VPS13B: variants seen among roughly 807,000 people sequenced by gnomAD.
The protein encoded by VPS13B is intermembrane lipid transfer protein VPS13B.
A neutral mutation model predicts 426.4 loss-of-function variants in VPS13B; 285 were observed. The observed-to-expected ratio is 0.67, with a 90% CI of 0.61 to 0.74. The LOEUF is 0.74. Among genes scored for constraint, VPS13B ranks in the 30% least tolerant of loss-of-function variants. The pLI, the probability that VPS13B is intolerant of heterozygous loss-of-function variation, is 0.00. For missense variants in VPS13B, 4,537 were observed against 4,782.6 expected (o/e 0.95, Z 1.51); for synonymous variants, 1,676 against 1,676.4 (o/e 1.00, Z 0.01).
intron 33 of VPS13B, among the ~76,000 whole-genome samples, chr8:99,640,736 C>G (rs955682238): frequency 6.6e-6 from 1 of 152,126 alleles, no homozygotes; most frequent in South Asian, 2.1e-4. Context: ...ATGAAGAGTA[C>G]ATTAGCATGT....
intron 35 of VPS13B, among the ~76,000 whole-genome samples, chr8:99,695,140 C>T (rs1421594154): frequency 5.3e-5 from 8 of 151,004 alleles, no homozygotes; most frequent in Non-Finnish European, 7.4e-5. Flanking sequence ...GTCAGTGTGG[C>T]GATTCCTCAG....
intron 35 of VPS13B, among the ~76,000 whole-genome samples, chr8:99,672,322 G>A (rs1830749164): frequency 6.6e-6 from 1 of 152,020 alleles, no homozygotes; most frequent in Non-Finnish European, 1.5e-5. Flanking sequence ...TCAGTGTACA[G>A]ATTTTTCACA....
Position 99,464,450 on chromosome 8 carries a change from A to G in VPS13B, c.3446-2964A>G, listed in dbSNP as rs138774639. Reference sequence around the variant, plus strand: ...TTTCCAGAATATTGATTCCTACCCAAAAAGATTCAGGGTCATAAATTATAT... The same window carrying G: ...TTTCCAGAATATTGATTCCTACCCAGAAAGATTCAGGGTCATAAATTATAT... On this transcript the variant is annotated intron_variant, in intron 23 of 61. Coordinates refer to ENST00000357162, the MANE Select transcript of VPS13B (RefSeq NM_152564.5). 3.3e-5 allele frequency among the ~76,000 whole-genome samples: 5 copies of G among 152,294 alleles called. No individual in the cohort carries two copies. In the East Asian group the frequency reaches 5.8e-4, roughly 18 times the overall value.
At position 99,511,133 on chromosome 8, in the gene VPS13B, T is replaced by G. The variant is rs201349007; in HGVS notation, c.4254T>G (p.His1418Gln). The stretch of plus-strand genomic sequence containing the variant: ...CTACAAAACTTCTAGATGGCACTCA[T>G]CAGCAGCATGGATTCCTCTCTCTGA... ...VTTTKLLDGTHQQHGFLSLTY... is the reference protein window; with the variant it reads ...VTTTKLLDGTQQQHGFLSLTY... Residue 1418 changes from histidine (H) to glutamine (Q), a missense_variant, in exon 29 of 62, where the codon CAT becomes CAG. Around this residue, in one of 2 missense-constraint regions of VPS13B, gnomAD observed 4,311 missense variants for 4,474.3 expected, o/e 0.96. Transcript: ENST00000357162. 2.7e-5 allele frequency: 43 copies of G among 1,613,570 alleles called. No individual in the cohort carries two copies. In the Admixed American group the frequency reaches 5.7e-4, roughly 21 times the overall value.
intron 33 of VPS13B, among the ~76,000 whole-genome samples, chr8:99,607,724 G>T (rs1827660679): frequency 6.6e-6 from 1 of 151,872 alleles, no homozygotes; most frequent in South Asian, 2.1e-4. Context: ...TATGTGGGTT[G>T]GCTATAACTC....
intron 55 of VPS13B, among the ~76,000 whole-genome samples, chr8:99,849,717 A>G (rs1816160850): frequency 6.6e-6 from 1 of 152,202 alleles, no homozygotes; most frequent in South Asian, 2.1e-4. Context: ...AGTTAATTAC[A>G]ATGGCAAAAT....
Position 99,832,498 on chromosome 8 carries a change from C to G in VPS13B, c.9460C>G (p.Leu3154Val), listed in dbSNP as rs1815134914. ...DISQSVLDAS[L>V]LQKQIMLGFS... ...CAGTCAGTCAGTACTGGATGCATCC[C>G]TGCTTCAGAAACAGATCATGCTGGG... Residue 3154 changes from leucine to valine, a missense_variant, in exon 52 of 62, where the codon CTG becomes GTG. Physicochemically the swap from Leu to Val is conservative, Grantham distance 32. Coordinates refer to ENST00000357162, the MANE Select transcript of VPS13B (RefSeq NM_152564.5). The G allele has an allele frequency of 6.2e-7, 1 of 1,613,702 alleles. No individual in the cohort carries two copies. The highest frequency in any genetic ancestry group is 2.2e-5 in the East Asian group (1 of 44,830).
chr8:99,452,534 T>C (rs1818247710), intron 23 of VPS13B, among the ~76,000 whole-genome samples: 1 of 152,132 alleles, frequency 6.6e-6, no homozygotes, highest in African/African-American at 2.4e-5. Context: ...TTTCAAGTTA[T>C]TCATGGTAAA....
At position 99,084,581 on chromosome 8, in the gene VPS13B, G is replaced by A. The variant is rs571963235; in HGVS notation, c.292-11731G>A. 1.5e-3 allele frequency among the ~76,000 whole-genome samples: 226 copies of A among 152,222 alleles called. 1 individual carries two copies. Among genetic ancestry groups the A allele is most frequent in the African/African-American group, 5.2e-3 (215 of 41,536 alleles). ...TTTTAGATCTTTCCTGCTTTCTCTT[G>A]TGGGCATTTAGCGCTATAATTTTCC... On this transcript the variant is annotated intron_variant, in intron 3 of 61. Coordinates refer to ENST00000357162, the MANE Select transcript of VPS13B (RefSeq NM_152564.5).
At chr8:99,206,917 C>G (rs1177854208) in intron 17 of VPS13B, among the ~76,000 whole-genome samples, 2 of 151,806 alleles carry the variant, frequency 1.3e-5, no homozygotes, top group Middle Eastern at 3.2e-3. Flanking sequence ...ATAAAATTTT[C>G]TTGCCAGATA....
In VPS13B at chr8:99,538,608, T is replaced by A. The variant is rs369780234; in HGVS notation, c.4745+17598T>A. 9.5e-4 allele frequency among the ~76,000 whole-genome samples: 144 copies of A among 152,320 alleles called. 1 individual carries two copies. The South Asian group carries it at 0.017, about 18-fold the overall frequency. On this transcript the variant is annotated intron_variant, in intron 30 of 61. Coordinates refer to ENST00000357162, the MANE Select transcript of VPS13B (RefSeq NM_152564.5). ...TGTGAGTATCCAGATATTTTTGGTA[T>A]TTGCCTTCTGTCTCTTTCAATGCTG...
At chr8:99,298,882 A>G (rs1820186333) in intron 19 of VPS13B, among the ~76,000 whole-genome samples, 2 of 152,190 alleles carry the variant, frequency 1.3e-5, no homozygotes, top group Admixed American at 1.3e-4. Context: ...GGTAGGGAAT[A>G]TGAAGAGCTA....
Position 99,772,905 on chromosome 8 carries a change from G to A in VPS13B, c.7248-3870G>A, listed in dbSNP as rs141028613. ...GAGCAGTGTTCATGCAGTGGGTAGGGGAGAATTTATGTGAACCAACGTTGA... is the reference window on the plus strand; with the variant it reads ...GAGCAGTGTTCATGCAGTGGGTAGGAGAGAATTTATGTGAACCAACGTTGA... On this transcript the variant is annotated intron_variant, in intron 40 of 61. Coordinates refer to ENST00000357162, the MANE Select transcript of VPS13B (RefSeq NM_152564.5). Among the ~76,000 whole-genome samples the A allele has an allele frequency of 1.1e-4, 16 of 152,278 alleles. No homozygotes were observed. The East Asian group carries it at 2.9e-3, about 28-fold the overall frequency.
At chr8:99,240,454 A>G (rs1588166221) in intron 17 of VPS13B, among the ~76,000 whole-genome samples, 1 of 152,198 alleles carries the variant, frequency 6.6e-6, no homozygotes, top group South Asian at 2.1e-4. Context: ...TATTGAGCTC[A>G]ATTAGCTTGA....
At chr8:99,539,426 G>T (rs1164235562) in intron 30 of VPS13B, among the ~76,000 whole-genome samples, 1 of 152,146 alleles carries the variant, frequency 6.6e-6, no homozygotes, top group Non-Finnish European at 1.5e-5. Flanking sequence ...TGCAGACAGA[G>T]TATTTGGAGA....
At chr8:99,809,323 A>C in intron 43 of VPS13B, 52 bp from the exon 44 acceptor site, 1 of 1,610,866 alleles carries the variant, frequency 6.2e-7, no homozygotes. Flanking sequence ...TTTTAGGACT[A>C]GGTTTTTGTT....
chr8:99,555,346 A>G (rs907899739), intron 30 of VPS13B, among the ~76,000 whole-genome samples: 4 of 152,080 alleles, frequency 2.6e-5, no homozygotes, highest in East Asian at 1.9e-4. Context: ...GCCTTTTTCT[A>G]TACTTTTCAC....
intron 19 of VPS13B, among the ~76,000 whole-genome samples, chr8:99,326,170 CAAAT>C (rs1400437441): frequency 6.6e-6 from 1 of 152,020 alleles, no homozygotes; most frequent in African/African-American, 2.4e-5. Flanking sequence ...GATAGTGACT[CAAAT>C]AATTTTCTGT....
chr8:99,693,838 T>G lies in VPS13B; in HGVS notation c.6047-5687T>G, dbSNP rs1472187824. 4.7e-5 allele frequency among the ~76,000 whole-genome samples: 7 copies of G among 150,254 alleles called. No homozygotes were observed. The South Asian group carries it at 6.4e-4, about 14-fold the overall frequency. On this transcript the variant is annotated intron_variant, in intron 35 of 61. Coordinates refer to ENST00000357162, the MANE Select transcript of VPS13B (RefSeq NM_152564.5). Reference sequence around the variant, plus strand: ...AAATCTCCTTAAGCTGATAAGCAACTTCAGCAAAGTCTCAGGATACAAAAT... The same window carrying G: ...AAATCTCCTTAAGCTGATAAGCAACGTCAGCAAAGTCTCAGGATACAAAAT...
Sources: gnomAD v4.1 joint callset for allele counts (sites outside exome capture counted in the v4.1 genomes callset) on GRCh38, gnomAD v4.1.1 for gene constraint, gnomAD v4.1.1 regional missense constraint, MANE v1.5 for transcripts, NCBI Gene and HGNC (gene_info 2026-07-23, HGNC 2026-07-21) for gene names.